ZNF813: variants seen among roughly 807,000 people sequenced by gnomAD.
The protein encoded by ZNF813 is zinc finger protein 813.
A neutral mutation model predicts 7.2 loss-of-function variants in ZNF813; 3 were observed. That is an observed-to-expected ratio of 0.42 (90% CI 0.19 to 1.08). The LOEUF (loss-of-function observed/expected upper bound fraction) is 1.08. ZNF813 is among the 50% of genes least tolerant of loss of function. The pLI is 0.30. For missense variants in ZNF813, 714 were observed against 753.3 expected (o/e 0.95, Z 0.61); for synonymous variants, 227 against 256.3 (o/e 0.89, Z 1.09).
chr19:53,489,064 TG>T (rs2086447350), intron 3 of ZNF813, among the ~76,000 whole-genome samples: 1 of 152,024 alleles, frequency 6.6e-6, no homozygotes, highest in African/African-American at 2.4e-5. Flanking sequence ...TGGAGTGCAA[TG>T]GCGTGATCTT....
rs1568432696 is a variant in ZNF813, at chr19:53,490,789, C to T, written c.557C>T (p.Thr186Ile). Residue 186 changes from threonine (T) to isoleucine (I), a missense_variant, in exon 4 of 4, where the codon ACC becomes ATC. This residue lies in a region of ZNF813 where 563 missense variants were observed against 554.2 expected (regional missense o/e 1.02). Coordinates refer to ENST00000396403, the MANE Select transcript of ZNF813 (RefSeq NM_001004301.4). ...CAAAGAATTTCTTGTAGGCCCAAAA[C>T]CCATATTTCTAATAACTATGGGAAT... ...TSQRISCRPK[T>I]HISNNYGNNF... 6 of 1,614,080 alleles carry T rather than the reference C, an allele frequency of 3.7e-6. No homozygotes were observed. The East Asian group carries it at 6.7e-5, about 18-fold the overall frequency.
intron 1 of ZNF813, among the ~76,000 whole-genome samples, chr19:53,477,080 A>G (rs2086385600): frequency 6.6e-6 from 1 of 152,194 alleles, no homozygotes; most frequent in South Asian, 2.1e-4. Context: ...AAAAGAAAGC[A>G]TCCTTTAAGT....
chr19:53,485,567 TATACATGTATGTCATGAC>T (rs1300473211), intron 2 of ZNF813, among the ~76,000 whole-genome samples: 27 of 104,354 alleles, frequency 2.6e-4, no homozygotes, highest in African/African-American at 7.8e-4. Context: ...TCATGACATA[TATACATGTATGTCATGAC>T]ATATGTATGT....
At chr19:53,487,036 G>A (rs1187253463) in intron 3 of ZNF813, among the ~76,000 whole-genome samples, 1 of 144,654 alleles carries the variant, frequency 6.9e-6, no homozygotes, top group Non-Finnish European at 1.5e-5. Flanking sequence ...GTTGAAGTTG[G>A]TCTTGATCTC....
intron 1 of ZNF813, chr19:53,479,772 C>A: frequency 7.8e-7 from 1 of 1,283,304 alleles, no homozygotes; most frequent in Non-Finnish European, 1.1e-6. Flanking sequence ...ATGGAATGCA[C>A]AGAAGAATGA....
Position 53,490,619 on chromosome 19 carries a change from G to C in ZNF813, c.387G>C (p.Arg129Ser), listed in dbSNP as rs190553893. ...GTAGTGCAGACCGATATGATCAAAG[G>C]CATGCTGGAAACAAGCCTATTAAAG... Reference protein sequence around the residue: ...LTGSADRYDQRHAGNKPIKDQ... With the variant: ...LTGSADRYDQSHAGNKPIKDQ... The change falls in exon 4 of 4, where the codon AGG (arginine) becomes AGC (serine). Residue 129 changes from arginine to serine, a missense_variant. Arg to Ser is a moderately radical substitution (Grantham distance 110). Transcript: ENST00000396403. 2.5e-5 allele frequency: 40 copies of C among 1,614,112 alleles called. No homozygotes were observed. The Admixed American group carries it at 5.2e-4, about 21-fold the overall frequency.
In ZNF813 at chr19:53,494,347, A is replaced by T. The variant is rs1357764256; in HGVS notation, c.*2261A>T. The stretch of plus-strand genomic sequence containing the variant: ...CCCAGAAGGATAAGACATGAGTTTT[A>T]AAAGAGACTTTCTCTGCCGGGCGCA... On this transcript the variant is annotated 3_prime_UTR_variant, in exon 4 of 4. Coordinates refer to ENST00000396403, the MANE Select transcript of ZNF813 (RefSeq NM_001004301.4). 6.6e-6 allele frequency: 1 copy of T among 152,228 alleles called. No individual in the cohort carries two copies. The highest frequency in any genetic ancestry group is 1.5e-5 in the Non-Finnish European group (1 of 68,054). 9.4% of individuals were successfully genotyped at this position (152,228 alleles called of 1,614,324 possible).
chr19:53,485,241 A>G (rs2086426542), intron 2 of ZNF813, among the ~76,000 whole-genome samples: 1 of 152,174 alleles, frequency 6.6e-6, no homozygotes, highest in Non-Finnish European at 1.5e-5. Context: ...AGGATGGGGC[A>G]TTTCCTGTTT....
rs2086466659 is a variant in ZNF813 at position 53,492,047 on chromosome 19, AC to A, written c.1817del (p.Pro606LeufsTer137). ...RHHRLHTGEK[P>X]YKFNECGKAF... ...ATCATAGACTTCATACTGGAGAGAA[AC>A]CTTACAAGTTTAATGAGTGTGGCAA... On this transcript the variant is annotated frameshift_variant, in exon 4 of 4. Transcript: ENST00000396403. LOFTEE classifies it low-confidence loss of function (END_TRUNC). The A allele has an allele frequency of 1.2e-6, 2 of 1,613,900 alleles. No individual in the cohort carries two copies. The highest frequency in any genetic ancestry group is 2.2e-5 in the South Asian group (2 of 91,042).
At chr19:53,486,308 A>G (rs35432790) in intron 2 of ZNF813, among the ~76,000 whole-genome samples, 58,883 of 151,658 alleles carry the variant, frequency 0.39, 11,842 homozygotes, top group Admixed American at 0.45. Flanking sequence ...TTAACTGGCC[A>G]TGGTGGTGCG....
Position 53,490,612 on chromosome 19 carries a change from A to G in ZNF813, c.380A>G (p.Asp127Gly). Reference sequence around the variant, plus strand: ...TTGACTGGTAGTGCAGACCGATATGATCAAAGGCATGCTGGAAACAAGCCT... The same window carrying G: ...TTGACTGGTAGTGCAGACCGATATGGTCAAAGGCATGCTGGAAACAAGCCT... ...KKLTGSADRYDQRHAGNKPIK... is the reference protein window; with the variant it reads ...KKLTGSADRYGQRHAGNKPIK... Residue 127 changes from aspartate to glycine, a missense_variant, in exon 4 of 4, where the codon GAT becomes GGT. By Grantham distance (94) the Asp-to-Gly change is moderately conservative. Coordinates refer to ENST00000396403, the MANE Select transcript of ZNF813 (RefSeq NM_001004301.4). 3.1e-6 allele frequency: 5 copies of G among 1,614,208 alleles called. No individual in the cohort carries two copies. Among genetic ancestry groups the G allele is most frequent in the Non-Finnish European group, 4.2e-6 (5 of 1,180,038 alleles).
In ZNF813 at chr19:53,492,943, T is replaced by A. The variant is rs1440669517; in HGVS notation, c.*857T>A. On this transcript the variant is annotated 3_prime_UTR_variant, in exon 4 of 4. Coordinates refer to ENST00000396403, the MANE Select transcript of ZNF813 (RefSeq NM_001004301.4). ...TCCTTAGACATCAGAGAATGCACAC[T>A]GGACGGAAATCTTACAAATGTCATC... 6.3e-6 allele frequency: 3 copies of A among 475,574 alleles called. No individual in the cohort carries two copies. The highest frequency in any genetic ancestry group is 1.3e-5 in the Non-Finnish European group (3 of 232,056). 29.5% of individuals were successfully genotyped at this position (475,574 alleles called of 1,614,324 possible). A position where few individuals can be genotyped will look rare whatever the true frequency, so the allele number is the denominator to read the frequency against.
At chr19:53,471,055 C>A (rs1190266234) in intron 1 of ZNF813, among the ~76,000 whole-genome samples, 1 of 152,124 alleles carries the variant, frequency 6.6e-6, no homozygotes, top group Non-Finnish European at 1.5e-5. Flanking sequence ...TTCAGGGGGC[C>A]AATCTGTGTC....
At position 53,480,255 on chromosome 19, in the gene ZNF813, C is replaced by G. The variant is rs1463177676; in HGVS notation, c.-73-3495C>G. 3 of 747,634 alleles carry G rather than the reference C, an allele frequency of 4.0e-6. No individual in the cohort carries two copies. In the African/African-American group the frequency reaches 5.1e-5, roughly 13 times the overall value. The allele number at this position is 747,634 out of a possible 1,614,324, so 46.3% of individuals were successfully genotyped here. A position where few individuals can be genotyped will look rare whatever the true frequency, so the allele number is the denominator to read the frequency against. The stretch of plus-strand genomic sequence containing the variant: ...CCCTGCCTCTTTTTCACCAAACTGT[C>G]TCTGCCTCTTCCTGGAGATTCCAGC... On this transcript the variant is annotated intron_variant, in intron 1 of 3. Transcript: ENST00000396403.
intron 1 of ZNF813, among the ~76,000 whole-genome samples, chr19:53,472,869 C>A (rs952174718): frequency 6.6e-6 from 1 of 152,058 alleles, no homozygotes; most frequent in Non-Finnish European, 1.5e-5. Flanking sequence ...GCCTCGGCCT[C>A]CCAGAGTGCT....
rs1400161381 is a variant in ZNF813 at position 53,468,224 on chromosome 19, C to CT, written c.-74+435_-74+436insT. 2.5e-5 allele frequency among the ~76,000 whole-genome samples: 3 copies of CT among 121,498 alleles called. 1 individual carries two copies. The highest frequency in any genetic ancestry group is 8.8e-5 in the African/African-American group (3 of 34,138). The allele number at this position is 121,498 out of a possible 152,430, so 79.7% of individuals were successfully genotyped here. ...TTGTCTTAAGGCGCCCTCGCGCCCC[C>CT]CCCCCCCCACCTCCCTCCTCCTGCC... On this transcript the variant is annotated intron_variant, in intron 1 of 3. Transcript: ENST00000396403.
In ZNF813 at chr19:53,491,870, T is replaced by C. The variant is rs750459996; in HGVS notation, c.1638T>C (p.Thr546=). 4.3e-6 allele frequency: 7 copies of C among 1,613,388 alleles called. No homozygotes were observed. In the Admixed American group the frequency reaches 1.0e-4, roughly 23 times the overall value. ...TTGCACATCATCATAGACTTCATACTGGAGATAAACCTTACAAGTGTAATG... is the reference window on the plus strand; with the variant it reads ...TTGCACATCATCATAGACTTCATACCGGAGATAAACCTTACAAGTGTAATG... The part of the protein sequence containing the change: ...THLAHHHRLH[T]GDKPYKCNEC... The change falls in exon 4 of 4, where the codon ACT becomes ACC. Residue 546 remains threonine, a synonymous_variant. Coordinates refer to ENST00000396403, the MANE Select transcript of ZNF813 (RefSeq NM_001004301.4).
intron 1 of ZNF813, among the ~76,000 whole-genome samples, chr19:53,478,371 T>C (rs1397360424): frequency 1.3e-5 from 2 of 151,988 alleles, no homozygotes; most frequent in Non-Finnish European, 2.9e-5. Context: ...CGGGTTTCGC[T>C]ATGTTTCCCA....
chr19:53,493,981 T>G lies in ZNF813; in HGVS notation c.*1895T>G, dbSNP rs1214334063. ...CCTTTTCTGTCTATTTTGTTCAGAA[T>G]TTCTATGATGAGTGGATTTTGAATT... On this transcript the variant is annotated 3_prime_UTR_variant, in exon 4 of 4. Transcript: ENST00000396403. 6.6e-6 allele frequency: 1 copy of G among 152,398 alleles called. No homozygotes were observed. The highest frequency in any genetic ancestry group is 1.5e-5 in the Non-Finnish European group (1 of 68,070). The allele number at this position is 152,398 out of a possible 1,614,324, so 9.4% of individuals were successfully genotyped here.
Sources: gnomAD v4.1 joint callset for allele counts (sites outside exome capture counted in the v4.1 genomes callset) on GRCh38, gnomAD v4.1.1 for gene constraint, gnomAD v4.1.1 regional missense constraint, MANE v1.5 for transcripts, NCBI Gene and HGNC (gene_info 2026-07-23, HGNC 2026-07-21) for gene names.